RPL28: variants seen among roughly 807,000 people sequenced by gnomAD.
The protein encoded by RPL28 is ribosomal protein L28, also known as large ribosomal subunit protein eL28.
Under a neutral mutation model 12.5 loss-of-function variants are expected in RPL28, and 4 were observed. The ratio of observed to expected loss-of-function variants is 0.32; its 90% confidence interval spans 0.16 to 0.73. The LOEUF (loss-of-function observed/expected upper bound fraction) is 0.73. RPL28 is among the 30% of genes least tolerant of loss of function. The pLI is 0.66. For synonymous variants in RPL28, 91 were observed against 72.5 expected (o/e 1.26, Z -1.30); for missense variants, 214 against 197.7 (o/e 1.08, Z -0.49).
intron 3 of RPL28, 140 bp downstream of exon 3, chr19:55,386,833 G>T: frequency 1.3e-6 from 2 of 1,578,552 alleles, no homozygotes; most frequent in Non-Finnish European, 1.7e-6. Context: ...CTGGGTACCG[G>T]CTTCCCTCTC....
In RPL28 at chr19:55,389,731, T is replaced by C. The variant is rs10425596; in HGVS notation, c.*1399T>C. 0.2 allele frequency: 193,236 copies of C among 985,518 alleles called. 19,400 individuals carry two copies. The highest frequency in any genetic ancestry group is 0.3 in the South Asian group (6,369 of 21,284). The allele number at this position is 985,518 out of a possible 1,614,324, so 61.0% of individuals were successfully genotyped here. A position where few individuals can be genotyped will look rare whatever the true frequency, so the allele number is the denominator to read the frequency against. ...GTCTGCTGTGAATTACCATTTCCTTTGTCCTTCCCTTAGTTGGGTCTATTA... is the reference window on the plus strand; with the variant it reads ...GTCTGCTGTGAATTACCATTTCCTTCGTCCTTCCCTTAGTTGGGTCTATTA... On this transcript the variant is annotated 3_prime_UTR_variant, in exon 5 of 5. Transcript: ENST00000344063.
intron 3 of RPL28, chr19:55,387,315 C>G (rs2089941528): frequency 6.4e-7 from 1 of 1,551,616 alleles, no homozygotes; most frequent in Non-Finnish European, 8.7e-7. Flanking sequence ...TTGATTGGAA[C>G]TGCCTCAGAG....
Position 55,388,528 on chromosome 19 carries a change from C to T in RPL28, c.*196C>T, listed in dbSNP as rs970369825. On this transcript the variant is annotated 3_prime_UTR_variant, in exon 5 of 5. Coordinates refer to ENST00000344063, the MANE Select transcript of RPL28 (RefSeq NM_000991.5). ...CATGCAGGAGGGGTGGGGTAGCTGC[C>T]TTGTCCCTGGTGAGGGCAAGGGTCA... 2 of 1,292,028 alleles carry T rather than the reference C, an allele frequency of 1.5e-6. No individual in the cohort carries two copies. The highest frequency in any genetic ancestry group is 3.1e-5 in the African/African-American group (2 of 65,102). The allele number at this position is 1,292,028 out of a possible 1,614,324, so 80.0% of individuals were successfully genotyped here.
chr19:55,387,403 T>C, intron 3 of RPL28: 1 of 1,548,358 alleles, frequency 6.5e-7, no homozygotes, highest in Non-Finnish European at 8.7e-7. Flanking sequence ...GGACACGTAG[T>C]CCAGGGAGCA....
rs1299668112 is a variant in RPL28 at position 55,402,941 on chromosome 19, A to G, written c.325-2A>G. On this transcript the variant is annotated splice_acceptor_variant, in intron 4 of 4. Coordinates refer to the RPL28 transcript ENST00000560055. LOFTEE classifies it high-confidence loss of function. The stretch of plus-strand genomic sequence containing the variant: ...AATTTGGTTAACTTTTTTTTTTTTC[A>G]GCTTGCGGGAAGGGTTGGGAGGCAG... 2.6e-6 allele frequency: 4 copies of G among 1,510,076 alleles called. No individual in the cohort carries two copies. Among genetic ancestry groups the G allele is most frequent in the Non-Finnish European group, 3.5e-6 (4 of 1,137,618 alleles). 93.5% of individuals were successfully genotyped at this position (1,510,076 alleles called of 1,614,324 possible).
At position 55,389,347 on chromosome 19, in the gene RPL28, T is replaced by C. The variant is rs544071916; in HGVS notation, c.*1015T>C. On this transcript the variant is annotated 3_prime_UTR_variant, in exon 5 of 5. Transcript: ENST00000344063. ...CTACACTCCAGCCTGGAAGACACCA[T>C]GACACACAGTGAGGCCTGGATGGGG... 29 of 887,118 alleles carry C rather than the reference T, an allele frequency of 3.3e-5. No individual in the cohort carries two copies. In the African/African-American group the frequency reaches 7.0e-4, roughly 21 times the overall value. 55.0% of individuals were successfully genotyped at this position (887,118 alleles called of 1,614,324 possible).
In RPL28 at chr19:55,386,860, C is replaced by A. The variant is rs769832425; in HGVS notation, c.205+167C>A. On this transcript the variant is annotated intron_variant, in intron 3 of 4. Coordinates refer to ENST00000344063, the MANE Select transcript of RPL28 (RefSeq NM_000991.5). ...TTCCCTCTCGGCCGACTTGTCAGCT[C>A]TGTGAGCCGCGCGCGTCTGAGCCCG... The A allele has an allele frequency of 4.5e-6, 7 of 1,552,652 alleles. No homozygotes were observed. In the Admixed American group the frequency reaches 1.4e-4, roughly 30 times the overall value.
At chr19:55,386,971 T>C (rs2089936735) in intron 3 of RPL28, 4 of 1,445,656 alleles carry the variant, frequency 2.8e-6, no homozygotes, top group Middle Eastern at 4.6e-4. Context: ...GTTGATGTTT[T>C]CAGATGAAAT....
At chr19:55,396,841 A>C (rs572701027), downstream of RPL28, among the ~76,000 whole-genome samples, 2 of 151,240 alleles carry the variant, frequency 1.3e-5, no homozygotes, top group Non-Finnish European at 2.9e-5. Flanking sequence ...TGGCCTCCCA[A>C]AGTGCTGGGA....
chr19:55,401,727 C>T lies in RPL28; in HGVS notation c.325-1216C>T, dbSNP rs148721709. 201 of 1,613,388 alleles carry T rather than the reference C, an allele frequency of 1.2e-4. No individual in the cohort carries two copies. The African/African-American group carries it at 2.3e-3, about 19-fold the overall frequency. ...GGCCCGCCTCCTCGTTGAGTGCAGA[C>T]TCGGGGTTAGGGTGGATCAGCAGGC... On this transcript the variant is annotated intron_variant, in intron 4 of 4. Transcript: ENST00000560055.
intron 4 of RPL28, chr19:55,400,177 A>G (rs1722167856): frequency 6.6e-6 from 1 of 152,092 alleles, no homozygotes; most frequent in African/African-American, 2.4e-5. Flanking sequence ...GAACTTGTAG[A>G]TTTTTATTGT....
downstream of RPL28, among the ~76,000 whole-genome samples, chr19:55,394,590 T>A (rs58687593): frequency 0.032 from 4,858 of 149,694 alleles, 274 homozygotes; most frequent in African/African-American, 0.11. Flanking sequence ...TATATATTTT[T>A]AAAAAGAATC....
downstream of RPL28, among the ~76,000 whole-genome samples, chr19:55,396,509 T>A (rs1200784750): frequency 4.1e-3 from 3 of 732 alleles, no homozygotes; most frequent in African/African-American, 0.019. Flanking sequence ...TCCCCTCCCC[T>A]CCCCTCCCCA....
In RPL28 at chr19:55,387,944, G is replaced by A; in HGVS notation, c.220G>A (p.Ala74Thr). ...IKRRSGQRKP[A>T]TSYVRTTINK... ...CCCCCAACCAGGCCAGCGGAAGCCT[G>A]CCACCTCCTATGTGCGGACCACCAT... Residue 74 changes from alanine (A) to threonine (T), a missense_variant, in exon 4 of 5, where the codon GCC (alanine) becomes ACC (threonine). Physicochemically the swap from Ala to Thr is moderately conservative, Grantham distance 58. Transcript: ENST00000344063. 1 of 1,579,302 alleles carries A rather than the reference G, an allele frequency of 6.3e-7. No homozygotes were observed. Among genetic ancestry groups the A allele is most frequent in the Non-Finnish European group, 8.6e-7 (1 of 1,161,526 alleles).
chr19:55,387,101 G>A (rs2089938391), intron 3 of RPL28: 1 of 1,373,808 alleles, frequency 7.3e-7, no homozygotes, highest in South Asian at 1.5e-5. Flanking sequence ...GTTGGTTGCA[G>A]CCATTTGATT....
rs1186953856 is a variant in RPL28 at position 55,390,225 on chromosome 19, T to C, written c.*1893T>C. On this transcript the variant is annotated 3_prime_UTR_variant, in exon 5 of 5. Transcript: ENST00000344063. ...TTGCTCACTGGAGACTTTCTGGAGA[T>C]GGAGTCTCGCTCTGTTGCCCAGGCT... The C allele has an allele frequency of 3.1e-6, 3 of 983,312 alleles. No individual in the cohort carries two copies. The African/African-American group carries it at 5.2e-5, about 17-fold the overall frequency. 60.9% of individuals were successfully genotyped at this position (983,312 alleles called of 1,614,324 possible).
rs754157260 is a variant in RPL28, at chr19:55,386,562, C to T, written c.82-8C>T. ...TATTCACGATGCCTTGTGCCGCCTC[C>T]TTCCCAGGAGCCCAATAACTTGAAG... On this transcript the variant is annotated splice_region_variant and splice_polypyrimidine_tract_variant and intron_variant, in intron 2 of 4. Coordinates refer to ENST00000344063, the MANE Select transcript of RPL28 (RefSeq NM_000991.5). 8 of 1,603,318 alleles carry T rather than the reference C, an allele frequency of 5.0e-6. No individual in the cohort carries two copies. In the South Asian group the frequency reaches 6.6e-5, roughly 13 times the overall value.
At chr19:55,392,614 C>T (rs2089998629), downstream of RPL28, among the ~76,000 whole-genome samples, 1 of 150,338 alleles carries the variant, frequency 6.7e-6, no homozygotes, top group African/African-American at 2.5e-5. Context: ...GTGAGCTACG[C>T]CTCCCAGGTT....
downstream of RPL28, among the ~76,000 whole-genome samples, chr19:55,396,775 T>C (rs1249486322): frequency 6.8e-6 from 1 of 148,132 alleles, no homozygotes; most frequent in Non-Finnish European, 1.5e-5. Flanking sequence ...AGAGACAGGG[T>C]TTCACCGTGT....
Sources: allele counts gnomAD v4.1 joint callset (sites outside exome capture counted in the v4.1 genomes callset), GRCh38; gene constraint gnomAD v4.1.1; transcripts MANE v1.5; gene names NCBI Gene and HGNC (gene_info 2026-07-23, HGNC 2026-07-21).